Variants in NFATC1 observed in about 807,000 individuals in gnomAD.
NFATC1 encodes nuclear factor of activated T cells 1, also known as nuclear factor of activated T-cells, cytoplasmic 1.
In NFATC1, 22 loss-of-function variants were observed where a neutral mutation model predicts 76.0. The observed-to-expected ratio is 0.29, with a 90% CI of 0.21 to 0.41. NFATC1 has a LOEUF of 0.41. Among genes scored for constraint, NFATC1 ranks in the 10% least tolerant of loss-of-function variants. The probability of loss-of-function intolerance (pLI) is 1.00; values close to 1 mark genes in which losing one functional copy is unlikely to be tolerated. For synonymous variants in NFATC1, 704 were observed against 613.1 expected (o/e 1.15, Z -2.19); for missense variants, 1,357 against 1,337.7 (o/e 1.01, Z -0.23).
At chr18:79,458,578 A>C (rs1170901902) in intron 6 of NFATC1, among the ~76,000 whole-genome samples, 2 of 152,252 alleles carry the variant, frequency 1.3e-5, no homozygotes, top group African/African-American at 4.8e-5. Flanking sequence ...CCGATGACTC[A>C]GACTGCAGGG....
Position 79,451,071 on chromosome 18 carries a change from G to A in NFATC1, c.1707G>A (p.Pro569=), listed in dbSNP as rs765936271. The change falls in exon 5 of 10, where the codon CCG becomes CCA. Residue 569 remains proline (P), a synonymous_variant. Transcript: ENST00000427363. The stretch of plus-strand genomic sequence containing the variant: ...GGCTGGTGTTCCGCGTTCACGTCCC[G>A]CAACCCAGCGGCCGCACGCTGTCCC... ...RVRLVFRVHV[P]QPSGRTLSLQ... 17 of 1,613,158 alleles carry A rather than the reference G, an allele frequency of 1.1e-5. No individual in the cohort carries two copies. The highest frequency in any genetic ancestry group is 2.2e-5 in the East Asian group (1 of 44,868).
At chr18:79,472,401 C>G (rs1175601044) in intron 8 of NFATC1, among the ~76,000 whole-genome samples, 1 of 152,194 alleles carries the variant, frequency 6.6e-6, no homozygotes, top group Non-Finnish European at 1.5e-5. Context: ...CGCCGCCCGA[C>G]CTCCATGCCC....
At chr18:79,487,238 G>A (rs1294310115) in intron 9 of NFATC1, among the ~76,000 whole-genome samples, 1 of 152,222 alleles carries the variant, frequency 6.6e-6, no homozygotes, top group Non-Finnish European at 1.5e-5. Flanking sequence ...TGGTGTCCAG[G>A]TTTGCTTCTG....
chr18:79,434,853 C>G (rs776960876), intron 3 of NFATC1, among the ~76,000 whole-genome samples: 15 of 152,246 alleles, frequency 9.9e-5, no homozygotes, highest in African/African-American at 1.9e-4. Context: ...CCAGCACTTG[C>G]AGATGATGTT....
chr18:79,410,917 C>A lies in NFATC1; in HGVS notation c.642C>A (p.Thr214=), dbSNP rs758837196. The stretch of plus-strand genomic sequence containing the variant: ...AGTCTCCCTGCGTGTCTCCCAAGAC[C>A]ACGGACCCCGAGGAGGGCTTTCCCC... ...PWQSPCVSPK[T]TDPEEGFPRG... Residue 214 remains threonine (T), a synonymous_variant, in exon 2 of 10, where the codon ACC becomes ACA. Coordinates refer to ENST00000427363, the MANE Select transcript of NFATC1 (RefSeq NM_001278669.2). The surrounding 1 kb of genome is among the most constrained non-coding windows in gnomAD (Gnocchi z 6.7). 25 of 1,606,586 alleles carry A rather than the reference C, an allele frequency of 1.6e-5. No homozygotes were observed. Among genetic ancestry groups the A allele is most frequent in the Non-Finnish European group, 2.0e-5 (24 of 1,177,762 alleles).
At chr18:79,493,596 G>A (rs2089763367) in intron 9 of NFATC1, 1 of 152,234 alleles carries the variant, frequency 6.6e-6, no homozygotes, top group Non-Finnish European at 1.5e-5. Context: ...GGCTGTGAAC[G>A]GGCCCCTCGC....
chr18:79,489,249 GC>G (rs1373203479), intron 9 of NFATC1, among the ~76,000 whole-genome samples: 1 of 152,218 alleles, frequency 6.6e-6, no homozygotes, highest in African/African-American at 2.4e-5. Context: ...GTGTGACCCC[GC>G]CCTGGCCTGC....
Position 79,489,404 on chromosome 18 carries a change from C to T in NFATC1, c.2782+2467C>T, listed in dbSNP as rs961667802. On this transcript the variant is annotated intron_variant, in intron 9 of 9. Transcript: ENST00000427363. ...CAGCTCCTCTGAGGATGCCCAATGC[C>T]ACGTTCCCATTGGGGCCTCTCCTGA... is the stretch of plus-strand genomic sequence containing the variant. Among the ~76,000 whole-genome samples the T allele has an allele frequency of 3.3e-5, 5 of 152,234 alleles. No homozygotes were observed. The East Asian group carries it at 7.7e-4, about 23-fold the overall frequency.
rs931099705 is a variant in NFATC1 at position 79,524,773 on chromosome 18, C to T, written c.2783-2755C>T. On this transcript the variant is annotated intron_variant, in intron 9 of 9. Coordinates refer to ENST00000427363, the MANE Select transcript of NFATC1 (RefSeq NM_001278669.2). The surrounding 1 kb of genome is among the most constrained non-coding windows in gnomAD (Gnocchi z 7.2). ...ACACACCGAGGAACTTTCCGCCCCC[C>T]GACGGGCTCTCCCACCGAGGCTCAG... Among the ~76,000 whole-genome samples, 6 of 152,154 alleles carry T rather than the reference C, an allele frequency of 3.9e-5. No individual in the cohort carries two copies. In the South Asian group the frequency reaches 6.2e-4, roughly 16 times the overall value.
Position 79,411,098 on chromosome 18 carries a change from C to CCGCCCTACTCACCCCACCACT in NFATC1, c.829_849dup (p.Tyr277_Pro283dup). 1 of 1,612,090 alleles carries CCGCCCTACTCACCCCACCACT rather than the reference C, an allele frequency of 6.2e-7. No homozygotes were observed. On this transcript the variant is annotated inframe_insertion, in exon 2 of 10. Transcript: ENST00000427363. Reference sequence around the variant, plus strand: ...GAAGTACAGCCTCAACGGCCGGCAGCCGCCCTACTCACCCCACCACTCGCC... The same window carrying CCGCCCTACTCACCCCACCACT: ...GAAGTACAGCCTCAACGGCCGGCAGCCGCCCTACTCACCCCACCACTCGCCCTACTCACCCCACCACTCGCC...
In NFATC1 at chr18:79,524,755, G is replaced by A. The variant is rs771079274; in HGVS notation, c.2783-2773G>A. ...AACCTGGGTGGCCGGGGGACACACC[G>A]AGGAACTTTCCGCCCCCCGACGGGC... On this transcript the variant is annotated intron_variant, in intron 9 of 9. Transcript: ENST00000427363. This position sits in a 1 kb window ranked among gnomAD's most constrained non-coding sequence, Gnocchi z 7.2. 3.3e-5 allele frequency among the ~76,000 whole-genome samples: 5 copies of A among 152,164 alleles called. No homozygotes were observed. In the East Asian group the frequency reaches 5.8e-4, roughly 18 times the overall value.
At chr18:79,426,477 C>T (rs924126992) in intron 2 of NFATC1, among the ~76,000 whole-genome samples, 7 of 152,210 alleles carry the variant, frequency 4.6e-5, no homozygotes, top group East Asian at 1.9e-4. Flanking sequence ...ACCTGAGCCA[C>T]GAGCCACACT....
intron 9 of NFATC1, among the ~76,000 whole-genome samples, chr18:79,489,800 C>G (rs1389838002): frequency 6.6e-6 from 1 of 152,230 alleles, no homozygotes; most frequent in Non-Finnish European, 1.5e-5. Context: ...GCACACTGTT[C>G]TGGTCACAGT....
intron 9 of NFATC1, among the ~76,000 whole-genome samples, chr18:79,492,223 C>T (rs1041672521): frequency 6.6e-6 from 1 of 152,100 alleles, no homozygotes; most frequent in Non-Finnish European, 1.5e-5. Flanking sequence ...TCTGCTCAGC[C>T]GCAGGAACCT....
At chr18:79,438,610 A>G (rs2086864011) in intron 3 of NFATC1, among the ~76,000 whole-genome samples, 1 of 152,206 alleles carries the variant, frequency 6.6e-6, no homozygotes. Flanking sequence ...CTGAAACAGC[A>G]TTTTAGGTTT....
chr18:79,454,143 C>T (rs1443649465), intron 6 of NFATC1, among the ~76,000 whole-genome samples: 4 of 152,164 alleles, frequency 2.6e-5, no homozygotes, highest in East Asian at 1.9e-4. Context: ...TGAGGAAATC[C>T]GTCAGTAGGG....
intron 9 of NFATC1, among the ~76,000 whole-genome samples, chr18:79,517,614 G>A (rs2090415930): frequency 6.6e-6 from 1 of 152,178 alleles, no homozygotes; most frequent in South Asian, 2.1e-4. Context: ...TTGCTTTAGT[G>A]TAAAGGAAAA....
intron 8 of NFATC1, among the ~76,000 whole-genome samples, chr18:79,472,530 A>G (rs1005010599): frequency 6.6e-6 from 1 of 152,206 alleles, no homozygotes; most frequent in African/African-American, 2.4e-5. Context: ...GAAACAGTGA[A>G]GTTCTTGAGG....
In NFATC1 at chr18:79,465,267, G is replaced by C. The variant is rs573982682; in HGVS notation, c.1960-2183G>C. Among the ~76,000 whole-genome samples, 1 of 152,154 alleles carries C rather than the reference G, an allele frequency of 6.6e-6. No individual in the cohort carries two copies. Among genetic ancestry groups the C allele is most frequent in the Non-Finnish European group, 1.5e-5 (1 of 68,038 alleles). On this transcript the variant is annotated intron_variant, in intron 7 of 9. Coordinates refer to ENST00000427363, the MANE Select transcript of NFATC1 (RefSeq NM_001278669.2). This position sits in a 1 kb window ranked among gnomAD's most constrained non-coding sequence, Gnocchi z 4.2. ...AGATAGTATTTTTGTCATATAATTT[G>C]TCTATTTAGAGAGTTGAAGTGGGTT...
Sources: allele counts gnomAD v4.1 joint callset (sites outside exome capture counted in the v4.1 genomes callset), GRCh38; gene constraint gnomAD v4.1.1; non-coding constraint Gnocchi (gnomAD v3.1); transcripts MANE v1.5; gene names NCBI Gene and HGNC (gene_info 2026-07-23, HGNC 2026-07-21).